Variants in MRPS35 observed in about 807,000 individuals in gnomAD.
The protein encoded by MRPS35 is mitochondrial ribosomal protein S35.
In MRPS35, 29 loss-of-function variants were observed where a neutral mutation model predicts 32.7. The observed-to-expected ratio is 0.89, with a 90% CI of 0.66 to 1.21. MRPS35 has a LOEUF of 1.21. Among genes scored for constraint, MRPS35 ranks in the 50% most tolerant of loss-of-function variants. MRPS35 has a pLI of 0.00. For missense variants in MRPS35, 373 were observed against 383.8 expected (o/e 0.97, Z 0.23); for synonymous variants, 148 against 139.3 (o/e 1.06, Z -0.44).
At chr12:27,717,217 A>T (rs2061854688) in intron 3 of MRPS35, among the ~76,000 whole-genome samples, 1 of 152,156 alleles carries the variant, frequency 6.6e-6, no homozygotes, top group Admixed American at 6.5e-5. Flanking sequence ...TTTCCAGTGG[A>T]ATTAAGAAAA....
intron 7 of MRPS35, chr12:27,753,036 T>C (rs11049115): frequency 0.12 from 18,397 of 152,242 alleles, 1,374 homozygotes; most frequent in East Asian, 0.18. Context: ...ATGCCTTCCC[T>C]GCCAAGCCTA....
At position 27,735,536 on chromosome 12, in the gene MRPS35, G is replaced by A; in HGVS notation, c.612G>A (p.Val204=). ...VGERYCKTTD[V]LTIKTDRCPL... Reference sequence around the variant, plus strand: ...AGCGATACTGCAAGACCACAGATGTGCTTACCATCAAAACAGATAGGTAAT... The same window carrying A: ...AGCGATACTGCAAGACCACAGATGTACTTACCATCAAAACAGATAGGTAAT... The change falls in exon 6 of 8, where the codon GTG becomes GTA. Residue 204 remains valine, a synonymous_variant. Coordinates refer to ENST00000081029, the MANE Select transcript of MRPS35 (RefSeq NM_021821.4). 1.2e-6 allele frequency: 2 copies of A among 1,611,002 alleles called. No homozygotes were observed. Among genetic ancestry groups the A allele is most frequent in the Non-Finnish European group, 1.7e-6 (2 of 1,178,806 alleles).
intron 7 of MRPS35, among the ~76,000 whole-genome samples, chr12:27,752,277 G>A (rs7969720): frequency 0.73 from 111,481 of 152,006 alleles, 41,286 homozygotes; most frequent in African/African-American, 0.84. Context: ...TCACCTGGCT[G>A]CAAGGGCTGA....
chr12:27,755,182 A>C lies in MRPS35; in HGVS notation c.704A>C (p.Asn235Thr). The C allele has an allele frequency of 6.5e-7, 1 of 1,528,542 alleles. No individual in the cohort carries two copies. Among genetic ancestry groups the C allele is most frequent in the African/African-American group, 1.4e-5 (1 of 70,814 alleles). The allele number at this position is 1,528,542 out of a possible 1,614,324, so 94.7% of individuals were successfully genotyped here. The change falls in exon 8 of 8, where the codon AAT (asparagine) becomes ACT (threonine). Residue 235 changes from asparagine (N) to threonine (T), a missense_variant and splice_region_variant. Physicochemically the swap from Asn to Thr is moderately conservative, Grantham distance 65. Coordinates refer to ENST00000081029, the MANE Select transcript of MRPS35 (RefSeq NM_021821.4). ...TTTTTTTGTTTTGTTTTGTTTCAGAATACTGAAGAATGGGAAAAAAGTAAG... is the reference window on the plus strand; with the variant it reads ...TTTTTTTGTTTTGTTTTGTTTCAGACTACTGAAGAATGGGAAAAAAGTAAG... ...LLTVLYHESW[N>T]TEEWEKSKTE...
At chr12:27,745,590 T>C (rs1591802679) in intron 7 of MRPS35, among the ~76,000 whole-genome samples, 1 of 152,120 alleles carries the variant, frequency 6.6e-6, no homozygotes, top group Non-Finnish European at 1.5e-5. Context: ...AAATTATACT[T>C]TAAGTTTTAG....
chr12:27,739,709 A>G lies in MRPS35; in HGVS notation c.702+2101A>G, dbSNP rs907853810. Among the ~76,000 whole-genome samples, 19 of 152,234 alleles carry G rather than the reference A, an allele frequency of 1.2e-4. 1 individual carries two copies. The highest frequency in any genetic ancestry group is 1.2e-3 in the Admixed American group (19 of 15,288). Reference sequence around the variant, plus strand: ...ACATGGCTGAATTAGCTACAGCTTTATGGCTGTTGCTGCTTAAAGATTTAA... The same window carrying G: ...ACATGGCTGAATTAGCTACAGCTTTGTGGCTGTTGCTGCTTAAAGATTTAA... On this transcript the variant is annotated intron_variant, in intron 7 of 7. Coordinates refer to ENST00000081029, the MANE Select transcript of MRPS35 (RefSeq NM_021821.4).
chr12:27,726,090 G>A (rs1200651390), intron 5 of MRPS35, among the ~76,000 whole-genome samples: 1 of 151,390 alleles, frequency 6.6e-6, no homozygotes, highest in African/African-American at 2.5e-5. Flanking sequence ...GATTACAGAT[G>A]TGAGCCACCA....
intron 7 of MRPS35, among the ~76,000 whole-genome samples, chr12:27,745,380 C>T (rs2061978707): frequency 1.3e-5 from 2 of 152,126 alleles, no homozygotes; most frequent in African/African-American, 4.8e-5. Flanking sequence ...ATATTCTTTC[C>T]ATGCTATCAT....
At chr12:27,735,423 C>A in intron 5 of MRPS35, 24 bp from the exon 6 acceptor site, 1 of 1,503,012 alleles carries the variant, frequency 6.7e-7, no homozygotes, top group Non-Finnish European at 9.1e-7. Context: ...ATTATTTTTT[C>A]AAATAACTTT....
At chr12:27,739,509 A>G (rs749988493) in intron 7 of MRPS35, among the ~76,000 whole-genome samples, 2 of 152,224 alleles carry the variant, frequency 1.3e-5, no homozygotes, top group Non-Finnish European at 2.9e-5. Context: ...AAAAGACAAA[A>G]AGTAGCTGGT....
rs146399763 is a variant in MRPS35 at position 27,716,838 on chromosome 12, A to G, written c.321+380A>G. 5.2e-3 allele frequency among the ~76,000 whole-genome samples: 789 copies of G among 152,210 alleles called. 5 individuals are homozygous for G. Among genetic ancestry groups the G allele is most frequent in the African/African-American group, 0.018 (763 of 41,534 alleles). ...CCCCATCTCTACTAAAAACACACAA[A>G]AAATTAGCCAGACGTGGTGGTGGGC... On this transcript the variant is annotated intron_variant, in intron 3 of 7. Transcript: ENST00000081029.
intron 7 of MRPS35, among the ~76,000 whole-genome samples, chr12:27,745,048 C>T (rs1205714548): frequency 6.6e-6 from 1 of 152,144 alleles, no homozygotes; most frequent in Non-Finnish European, 1.5e-5. Context: ...CTCTGCCTCC[C>T]AGGCTCAAGT....
intron 7 of MRPS35, among the ~76,000 whole-genome samples, chr12:27,740,720 A>G (rs2061961373): frequency 6.6e-6 from 1 of 152,236 alleles, no homozygotes; most frequent in African/African-American, 2.4e-5. Context: ...GTTGTATACT[A>G]TTCAAAACAG....
At chr12:27,718,578 A>C (rs2061860344) in intron 3 of MRPS35, among the ~76,000 whole-genome samples, 1 of 152,242 alleles carries the variant, frequency 6.6e-6, no homozygotes, top group Non-Finnish European at 1.5e-5. Context: ...ATTTATTTGA[A>C]GAAATCAAAT....
At chr12:27,726,646 C>T (rs2061901854) in intron 5 of MRPS35, among the ~76,000 whole-genome samples, 1 of 152,136 alleles carries the variant, frequency 6.6e-6, no homozygotes, top group Non-Finnish European at 1.5e-5. Flanking sequence ...TATTTCTCCA[C>T]ATCCTCACTA....
intron 7 of MRPS35, among the ~76,000 whole-genome samples, chr12:27,748,438 GGTGTGTGTGTGTGT>G (rs35760106): frequency 1.1e-4 from 16 of 146,080 alleles, no homozygotes; most frequent in South Asian, 8.9e-4. Context: ...AAAGAAAAGT[GGTGTGTGTGTGTGT>G]GTGTGTGTGT....
intron 7 of MRPS35, among the ~76,000 whole-genome samples, chr12:27,751,614 C>T (rs1243129970): frequency 6.6e-6 from 1 of 152,190 alleles, no homozygotes; most frequent in African/African-American, 2.4e-5. Context: ...AGCAGCTTAA[C>T]CCTTTATCTG....
rs570707686 is a variant in MRPS35 at position 27,753,637 on chromosome 12, C to T, written c.703-1544C>T. Among the ~76,000 whole-genome samples, 18 of 152,176 alleles carry T rather than the reference C, an allele frequency of 1.2e-4. No homozygotes were observed. In the East Asian group the frequency reaches 3.5e-3, roughly 29 times the overall value. ...ATATACTCATCTTTTAATATTTTGCCACCTTTAAAAGTTGTTATTCAGAAT... is the reference window on the plus strand; with the variant it reads ...ATATACTCATCTTTTAATATTTTGCTACCTTTAAAAGTTGTTATTCAGAAT... On this transcript the variant is annotated intron_variant, in intron 7 of 7. Transcript: ENST00000081029.
chr12:27,725,866 C>T (rs547835175), intron 5 of MRPS35, among the ~76,000 whole-genome samples: 6 of 135,598 alleles, frequency 4.4e-5, no homozygotes, highest in South Asian at 4.6e-4. Flanking sequence ...AGTGCAGTGG[C>T]GCGATCTTGG....
Sources: allele counts gnomAD v4.1 joint callset (sites outside exome capture counted in the v4.1 genomes callset), GRCh38; gene constraint gnomAD v4.1.1; transcripts MANE v1.5; gene names NCBI Gene and HGNC (gene_info 2026-07-23, HGNC 2026-07-21).